Variants in PTPRZ1 observed in about 807,000 individuals in gnomAD.
PTPRZ1 encodes receptor-type tyrosine-protein phosphatase zeta.
PTPRZ1 carries 82 observed loss-of-function variants against 214.1 expected under a neutral mutation model. That is an observed-to-expected ratio of 0.38 (90% CI 0.32 to 0.46). The LOEUF (loss-of-function observed/expected upper bound fraction) is 0.46. Among genes scored for constraint, PTPRZ1 ranks in the 20% least tolerant of loss-of-function variants. PTPRZ1 has a pLI of 1.00. For missense variants in PTPRZ1, 2,603 were observed against 2,748.7 expected, an observed-to-expected ratio of 0.95 and a Z score of 1.19; for synonymous variants, 945 against 987.9, an observed-to-expected ratio of 0.96 and a Z score of 0.81.
intron 1 of PTPRZ1, among the ~76,000 whole-genome samples, chr7:121,893,390 CT>C (rs1563004597): frequency 6.6e-6 from 1 of 152,202 alleles, no homozygotes; most frequent in Admixed American, 6.5e-5. Context: ...ATCCAATGTT[CT>C]TTTATCTTGC....
intron 1 of PTPRZ1, among the ~76,000 whole-genome samples, chr7:121,917,704 C>T (rs1395336812): frequency 6.6e-6 from 1 of 151,796 alleles, no homozygotes; most frequent in African/African-American, 2.4e-5. Flanking sequence ...AATATATATC[C>T]CTATTTTTAA....
chr7:121,877,140 A>C (rs899276661), intron 1 of PTPRZ1, among the ~76,000 whole-genome samples: 1 of 152,216 alleles, frequency 6.6e-6, no homozygotes, highest in African/African-American at 2.4e-5. Context: ...CATTTTATGT[A>C]CATTTTCTCA....
intron 1 of PTPRZ1, among the ~76,000 whole-genome samples, chr7:121,880,177 A>G (rs563640007): frequency 2.6e-4 from 39 of 152,248 alleles, no homozygotes; most frequent in Non-Finnish European, 4.6e-4. Context: ...TTGCCCACAG[A>G]TATTAAAGTA....
intron 1 of PTPRZ1, among the ~76,000 whole-genome samples, chr7:121,899,529 A>T (rs1166727257): frequency 6.6e-6 from 1 of 152,180 alleles, no homozygotes; most frequent in East Asian, 1.9e-4. Flanking sequence ...ACAGAATGGT[A>T]TTGTAGGGAC....
intron 14 of PTPRZ1, among the ~76,000 whole-genome samples, chr7:122,031,090 T>G (rs1799355684): frequency 1.3e-5 from 2 of 152,060 alleles, no homozygotes; most frequent in Non-Finnish European, 2.9e-5. Flanking sequence ...ACACTAAAAT[T>G]GAAACTATAT....
At chr7:121,944,081 T>C (rs1260678433) in intron 2 of PTPRZ1, among the ~76,000 whole-genome samples, 1 of 152,228 alleles carries the variant, frequency 6.6e-6, no homozygotes, top group Non-Finnish European at 1.5e-5. Context: ...GTTAAGTTTT[T>C]GGACAATTTT....
At chr7:121,906,757 G>A (rs1795128805) in intron 1 of PTPRZ1, among the ~76,000 whole-genome samples, 1 of 152,074 alleles carries the variant, frequency 6.6e-6, no homozygotes, top group Admixed American at 6.6e-5. Context: ...GACATCATGT[G>A]GACAGTGGCT....
rs568978518 is a variant in PTPRZ1, at chr7:121,939,727, G to A, written c.124+11506G>A. Among the ~76,000 whole-genome samples the A allele has an allele frequency of 1.6e-4, 25 of 152,270 alleles. No individual in the cohort carries two copies. In the South Asian group the frequency reaches 3.1e-3, roughly 19 times the overall value. ...ATCAATACTCATTGGATTGTACAGC[G>A]TAAGCCAGACACTGTACTAGGCATC... On this transcript the variant is annotated intron_variant, in intron 2 of 29. Coordinates refer to ENST00000393386, the MANE Select transcript of PTPRZ1 (RefSeq NM_002851.3).
intron 23 of PTPRZ1, among the ~76,000 whole-genome samples, chr7:122,048,968 A>G (rs1792085025): frequency 1.3e-5 from 2 of 152,090 alleles, no homozygotes; most frequent in Non-Finnish European, 2.9e-5. Context: ...AAATATCAGC[A>G]ACTCAAATCC....
intron 1 of PTPRZ1, among the ~76,000 whole-genome samples, chr7:121,915,652 C>T (rs1481438736): frequency 6.6e-6 from 1 of 152,016 alleles, no homozygotes; most frequent in Non-Finnish European, 1.5e-5. Context: ...ATCTTATTTC[C>T]AAGGTTAAAT....
chr7:121,960,108 G>C (rs765737445), intron 2 of PTPRZ1, among the ~76,000 whole-genome samples: 2 of 152,116 alleles, frequency 1.3e-5, no homozygotes, highest in African/African-American at 4.8e-5. Context: ...GCATGCTCTC[G>C]GCTCACTGCA....
At chr7:122,031,387 A>C in intron 14 of PTPRZ1, 87 bp from the exon 15 acceptor site, 1 of 884,230 alleles carries the variant, frequency 1.1e-6, no homozygotes, top group Non-Finnish European at 1.8e-6. Flanking sequence ...AAATAATTGA[A>C]GTTGTTTCAG....
chr7:121,878,310 A>G (rs1311270667), intron 1 of PTPRZ1, among the ~76,000 whole-genome samples: 2 of 152,162 alleles, frequency 1.3e-5, no homozygotes, highest in Non-Finnish European at 2.9e-5. Flanking sequence ...GGGACAGTGC[A>G]GACATGGAAC....
chr7:121,895,249 CCT>C (rs1243152549), intron 1 of PTPRZ1, among the ~76,000 whole-genome samples: 1 of 146,310 alleles, frequency 6.8e-6, no homozygotes, highest in Non-Finnish European at 1.5e-5. Flanking sequence ...ACCTGTCTCT[CCT>C]GTCTGTTCTC....
In PTPRZ1 at chr7:122,010,976, A is replaced by G. The variant is rs375257787; in HGVS notation, c.1930A>G (p.Lys644Glu). 13 of 1,614,120 alleles carry G rather than the reference A, an allele frequency of 8.1e-6. No individual in the cohort carries two copies. In the African/African-American group the frequency reaches 1.7e-4, roughly 22 times the overall value. The change falls in exon 12 of 30, where the codon AAG becomes GAG. Residue 644 changes from lysine (K) to glutamate (E), a missense_variant. Lys to Glu is a moderately conservative substitution (Grantham distance 56). Around this residue, in one of 6 missense-constraint regions of PTPRZ1, gnomAD observed 1,913 missense variants for 1,914.3 expected, o/e 1.00. Transcript: ENST00000393386. Reference sequence around the variant, plus strand: ...TTCATCAGGTTCAGAAGAATCACTAAAGGATCCTTCTATGGAGGGAAATGT... The same window carrying G: ...TTCATCAGGTTCAGAAGAATCACTAGAGGATCCTTCTATGGAGGGAAATGT... ...STSSGSEESL[K>E]DPSMEGNVWF...
At chr7:122,041,020 T>G (rs1474495366) in intron 21 of PTPRZ1, 41 bp downstream of exon 21, 1 of 1,391,976 alleles carries the variant, frequency 7.2e-7, no homozygotes, top group Non-Finnish European at 9.4e-7. Flanking sequence ...TAGAATTGCT[T>G]ATACTTGCAA....
At chr7:121,905,809 T>C (rs909801754) in intron 1 of PTPRZ1, among the ~76,000 whole-genome samples, 2 of 152,194 alleles carry the variant, frequency 1.3e-5, no homozygotes, top group African/African-American at 4.8e-5. Flanking sequence ...GGAAGCATTT[T>C]TTTGATAGAT....
At chr7:122,003,842 C>A (rs1221432766) in intron 10 of PTPRZ1, among the ~76,000 whole-genome samples, 1 of 152,178 alleles carries the variant, frequency 6.6e-6, no homozygotes, top group Non-Finnish European at 1.5e-5. Flanking sequence ...CCAGCTTAGT[C>A]TTTCCTGACA....
chr7:121,921,225 T>C (rs767749721), intron 1 of PTPRZ1, among the ~76,000 whole-genome samples: 1 of 152,164 alleles, frequency 6.6e-6, no homozygotes, highest in Non-Finnish European at 1.5e-5. Flanking sequence ...ATATACTAAC[T>C]ACTTATCAAG....
Sources: allele counts gnomAD v4.1 joint callset (sites outside exome capture counted in the v4.1 genomes callset), GRCh38; gene constraint gnomAD v4.1.1; regional missense constraint gnomAD v4.1.1; transcripts MANE v1.5; gene names NCBI Gene and HGNC (gene_info 2026-07-23, HGNC 2026-07-21).